Variants in ATP9A observed in about 807,000 individuals in gnomAD.
ATP9A encodes the protein ATPase phospholipid transporting 9A.
In ATP9A, 52 loss-of-function variants were observed where a neutral mutation model predicts 144.1. That is an observed-to-expected ratio of 0.36 (90% CI 0.29 to 0.45). The LOEUF (loss-of-function observed/expected upper bound fraction) is 0.45, where lower values mean the gene tolerates loss of function less well. Among genes scored for constraint, ATP9A ranks in the 20% least tolerant of loss-of-function variants. ATP9A has a pLI of 1.00. For synonymous variants in ATP9A, 582 were observed against 557.4 expected (o/e 1.04, Z -0.62); for missense variants, 947 against 1,392.7 (o/e 0.68, Z 5.09).
chr20:51,652,440 T>C (rs1330985119), intron 14 of ATP9A, among the ~76,000 whole-genome samples: 4 of 152,230 alleles, frequency 2.6e-5, no homozygotes, highest in Non-Finnish European at 5.9e-5. Context: ...TTTCTACACA[T>C]GTTCCATAAA....
rs375925049 is a variant in ATP9A, at chr20:51,601,176, G to A, written c.*35C>T. 142 of 1,558,312 alleles carry A rather than the reference G, an allele frequency of 9.1e-5. No homozygotes were observed. Among genetic ancestry groups the A allele is most frequent in the Middle Eastern group, 1.9e-4 (1 of 5,378 alleles). ...CTTGAGCTCTGTCCATCAGGGAAGC[G>A]CCAAGACCAGGGCCCCCTCCAGCGA... On this transcript the variant is annotated 3_prime_UTR_variant, in exon 28 of 28. Coordinates refer to ENST00000338821, the MANE Select transcript of ATP9A (RefSeq NM_006045.3).
At chr20:51,633,106 A>G (rs889641578) in intron 15 of ATP9A, among the ~76,000 whole-genome samples, 4 of 152,206 alleles carry the variant, frequency 2.6e-5, no homozygotes, top group African/African-American at 9.6e-5. Context: ...CCTGGATGAC[A>G]GAGTGAGACT....
chr20:51,685,095 G>A (rs2077517570), intron 9 of ATP9A, among the ~76,000 whole-genome samples: 1 of 151,432 alleles, frequency 6.6e-6, no homozygotes, highest in Admixed American at 6.6e-5. Flanking sequence ...TTTTTCTAAA[G>A]GCAAATCAAT....
At chr20:51,758,066 T>C (rs1353827530) in intron 1 of ATP9A, among the ~76,000 whole-genome samples, 2 of 152,208 alleles carry the variant, frequency 1.3e-5, no homozygotes, top group South Asian at 2.1e-4. Flanking sequence ...GGAACTTTTA[T>C]AGACTTCATG....
chr20:51,704,182 TAAAAAA>T (rs11086355), intron 4 of ATP9A, among the ~76,000 whole-genome samples: 1 of 130,506 alleles, frequency 7.7e-6, no homozygotes, highest in Non-Finnish European at 1.6e-5. Context: ...AGTGGGAACT[TAAAAAA>T]AAAAAAAAAA....
chr20:51,699,701 G>C (rs564747846), intron 4 of ATP9A, among the ~76,000 whole-genome samples: 2 of 152,042 alleles, frequency 1.3e-5, no homozygotes, highest in African/African-American at 4.8e-5. Flanking sequence ...GGAGTGCAGT[G>C]GCATGATCTC....
chr20:51,640,083 C>T (rs1361287873), intron 14 of ATP9A, among the ~76,000 whole-genome samples: 2 of 152,072 alleles, frequency 1.3e-5, no homozygotes, highest in East Asian at 3.9e-4. Context: ...AGACTCTGTC[C>T]CCGTCCCCAC....
intron 14 of ATP9A, among the ~76,000 whole-genome samples, chr20:51,652,938 C>T (rs967339927): frequency 3.3e-5 from 5 of 151,988 alleles, no homozygotes; most frequent in African/African-American, 9.7e-5. Context: ...GAAACCCCAT[C>T]TCTACTAAAA....
At chr20:51,711,468 C>T (rs1375976944) in intron 4 of ATP9A, among the ~76,000 whole-genome samples, 5 of 152,114 alleles carry the variant, frequency 3.3e-5, no homozygotes. Context: ...GGTGCTAAGT[C>T]CCTTGGCATC....
chr20:51,636,148 C>T (rs1250573782), intron 15 of ATP9A, among the ~76,000 whole-genome samples: 1 of 152,130 alleles, frequency 6.6e-6, no homozygotes. Context: ...GTAAATAAGA[C>T]TTGCTTGAAC....
At chr20:51,656,395 T>C (rs1374542362) in intron 14 of ATP9A, among the ~76,000 whole-genome samples, 1 of 151,894 alleles carries the variant, frequency 6.6e-6, no homozygotes, top group Admixed American at 6.6e-5. Flanking sequence ...CTACTAAAAA[T>C]ACAAAAAATT....
intron 15 of ATP9A, among the ~76,000 whole-genome samples, chr20:51,639,004 C>T (rs1314206505): frequency 6.6e-6 from 1 of 151,686 alleles, no homozygotes; most frequent in African/African-American, 2.4e-5. Flanking sequence ...CTGAAGTTTT[C>T]ACTTTAAAAT....
Position 51,625,396 on chromosome 20 carries a change from G to T in ATP9A, c.1846-34C>A, listed in dbSNP as rs748424630. ...CACCAGCAGATGCAGTCACTGCTTA[G>T]GGTGAGGAGAGGCCAGGCTGACTGG... is the stretch of plus-strand genomic sequence containing the variant. On this transcript the variant is annotated intron_variant, in intron 17 of 27. Transcript: ENST00000338821. 2.5e-6 allele frequency: 4 copies of T among 1,592,628 alleles called. No individual in the cohort carries two copies. The African/African-American group carries it at 5.4e-5, about 21-fold the overall frequency.
chr20:51,683,251 CGTTTGTTT>C (rs531990344), intron 9 of ATP9A, among the ~76,000 whole-genome samples: 18 of 151,922 alleles, frequency 1.2e-4, no homozygotes, highest in African/African-American at 3.6e-4. Context: ...AACACCTGGA[CGTTTGTTT>C]GTTTGTTTGT....
intron 22 of ATP9A, among the ~76,000 whole-genome samples, chr20:51,615,914 G>C (rs1601057956): frequency 6.6e-6 from 1 of 152,276 alleles, no homozygotes; most frequent in African/African-American, 2.4e-5. Context: ...GGGAATACAG[G>C]TGTGAGCCAC....
intron 2 of ATP9A, among the ~76,000 whole-genome samples, chr20:51,729,160 T>C (rs886751596): frequency 6.6e-6 from 1 of 152,210 alleles, no homozygotes; most frequent in South Asian, 2.1e-4. Flanking sequence ...ACATGTGTCA[T>C]GATGGGGGGA....
At chr20:51,603,356 G>C (rs753275393) in intron 27 of ATP9A, among the ~76,000 whole-genome samples, 1 of 152,154 alleles carries the variant, frequency 6.6e-6, no homozygotes. Context: ...TGCCCCGTGC[G>C]GGGGAAACCA....
intron 9 of ATP9A, among the ~76,000 whole-genome samples, chr20:51,680,177 C>T (rs1341702558): frequency 6.8e-6 from 1 of 146,124 alleles, no homozygotes; most frequent in Admixed American, 7.0e-5. Flanking sequence ...TTGCAGTGAG[C>T]CAAGATCGCA....
chr20:51,763,373 C>T (rs897607626), intron 1 of ATP9A, among the ~76,000 whole-genome samples: 13 of 148,640 alleles, frequency 8.7e-5, no homozygotes, highest in Non-Finnish European at 1.8e-4. Flanking sequence ...AGTGCAGTGG[C>T]GCGATCTCGG....
Sources: gnomAD v4.1 joint callset for allele counts (sites outside exome capture counted in the v4.1 genomes callset) on GRCh38, gnomAD v4.1.1 for gene constraint, MANE v1.5 for transcripts, NCBI Gene and HGNC (gene_info 2026-07-23, HGNC 2026-07-21) for gene names.